LARP4B: variants seen among roughly 807,000 people sequenced by gnomAD.
The protein encoded by LARP4B is la-related protein 4B.
Under a neutral mutation model 89.8 loss-of-function variants are expected in LARP4B, and 12 were observed. The ratio of observed to expected loss-of-function variants is 0.13; its 90% confidence interval spans 0.09 to 0.22. The LOEUF (loss-of-function observed/expected upper bound fraction) is 0.22, where lower values mean the gene tolerates loss of function less well. Ranked by LOEUF, LARP4B falls within the 10% of genes least tolerant of loss-of-function variation. The pLI is 1.00. For missense variants in LARP4B, 757 were observed against 947.7 expected (o/e 0.80, Z 2.64); for synonymous variants, 367 against 363.3 (o/e 1.01, Z -0.12).
chr10:855,470 G>A (rs1834253906), intron 5 of LARP4B, among the ~76,000 whole-genome samples: 2 of 152,038 alleles, frequency 1.3e-5, no homozygotes, highest in Admixed American at 1.3e-4. Flanking sequence ...CAGGGAATAG[G>A]AAGGCCCAAG....
At chr10:817,637 C>T (rs942448122) in intron 15 of LARP4B, 88 bp downstream of exon 15, 4 of 1,271,792 alleles carry the variant, frequency 3.1e-6, no homozygotes, top group Admixed American at 2.1e-5. Flanking sequence ...TAAAAACAAA[C>T]ATGTATAAAG....
At chr10:914,156 CAT>C (rs1298540761) in intron 1 of LARP4B, among the ~76,000 whole-genome samples, 3 of 152,030 alleles carry the variant, frequency 2.0e-5, no homozygotes, top group African/African-American at 4.8e-5. Flanking sequence ...AAATTGTTGT[CAT>C]GTGGTATAAA....
At position 814,250 on chromosome 10, in the gene LARP4B, C is replaced by A. The variant is rs1272570704; in HGVS notation, c.1929+492G>T. 6.6e-6 allele frequency among the ~76,000 whole-genome samples: 1 copy of A among 152,132 alleles called. No individual in the cohort carries two copies. Among genetic ancestry groups the A allele is most frequent in the Non-Finnish European group, 1.5e-5 (1 of 68,028 alleles). ...CAAGATCAAACTACAGAGGCCACAA[C>A]TCAGAGTAAGAGAGGCCACAGTTCA... is the stretch of plus-strand genomic sequence containing the variant. On this transcript the variant is annotated intron_variant, in intron 17 of 17. Transcript: ENST00000316157. This position sits in a 1 kb window ranked among gnomAD's most constrained non-coding sequence, Gnocchi z 4.4.
chr10:956,409 G>A, the LARP4B span, among the ~76,000 whole-genome samples: 360 of 151,564 alleles, frequency 2.4e-3, 5 homozygotes, highest in African/African-American at 8.4e-3. The surrounding 1 kb of genome is among the most constrained non-coding windows in gnomAD (Gnocchi z 4.3). Context: ...GCAGTGGCGC[G>A]ATCTCGGCTC....
intron 1 of LARP4B, among the ~76,000 whole-genome samples, chr10:914,307 G>C (rs1437731095): frequency 6.6e-6 from 1 of 152,144 alleles, no homozygotes; most frequent in Non-Finnish European, 1.5e-5. Context: ...AAGATGTAAG[G>C]AAAGTTGAAA....
chr10:924,709 C>T (rs1837087833), intron 1 of LARP4B, among the ~76,000 whole-genome samples: 1 of 152,232 alleles, frequency 6.6e-6, no homozygotes, highest in Non-Finnish European at 1.5e-5. Flanking sequence ...CCTCCAACCT[C>T]GGTGCCACCA....
chr10:901,047 G>A (rs1378676653), intron 1 of LARP4B, among the ~76,000 whole-genome samples: 1 of 151,190 alleles, frequency 6.6e-6, no homozygotes, highest in East Asian at 1.9e-4. Context: ...AGCCTCATGA[G>A]TAGCTGGGAT....
intron 5 of LARP4B, among the ~76,000 whole-genome samples, chr10:846,672 G>T (rs1833792953): frequency 6.6e-6 from 1 of 152,204 alleles, no homozygotes; most frequent in Non-Finnish European, 1.5e-5. Flanking sequence ...CTGACATTTT[G>T]AAAATATCTC....
chr10:900,376 T>A (rs971562669), intron 1 of LARP4B, among the ~76,000 whole-genome samples: 42 of 122,596 alleles, frequency 3.4e-4, no homozygotes, highest in Admixed American at 6.4e-4. Context: ...ATGATAATAA[T>A]AAAAAGCACA....
chr10:951,023 TCTCA>T, the LARP4B span, among the ~76,000 whole-genome samples: 2 of 151,948 alleles, frequency 1.3e-5, no homozygotes, highest in Non-Finnish European at 2.9e-5. Context: ...TCTCTCTCTC[TCTCA>T]GTCTCTCTCT....
intron 13 of LARP4B, 93 bp downstream of exon 13, chr10:824,972 A>T (rs1413984540): frequency 7.9e-7 from 1 of 1,260,194 alleles, no homozygotes; most frequent in African/African-American, 1.5e-5. Flanking sequence ...ATTTTCTGTG[A>T]CATATTTAAA....
At chr10:925,070 G>A (rs1837100292) in intron 1 of LARP4B, among the ~76,000 whole-genome samples, 1 of 152,228 alleles carries the variant, frequency 6.6e-6, no homozygotes, top group Non-Finnish European at 1.5e-5. Context: ...AGTACAGCAA[G>A]AAGGGGAGAC....
intron 1 of LARP4B, among the ~76,000 whole-genome samples, chr10:911,724 TTG>T (rs1836670317): frequency 6.6e-6 from 1 of 152,014 alleles, no homozygotes; most frequent in Non-Finnish European, 1.5e-5. Flanking sequence ...GTCTGAAGAG[TTG>T]TGAGTAGTTT....
At chr10:973,902 G>A in the LARP4B span, among the ~76,000 whole-genome samples, 4 of 152,116 alleles carry the variant, frequency 2.6e-5, no homozygotes, top group Non-Finnish European at 5.9e-5. Context: ...TCATGCTGAG[G>A]TGTGACAGAG....
At chr10:925,183 T>A (rs947864999) in intron 1 of LARP4B, among the ~76,000 whole-genome samples, 3 of 152,190 alleles carry the variant, frequency 2.0e-5, no homozygotes, top group Non-Finnish European at 4.4e-5. Flanking sequence ...GAGGCCAGTC[T>A]CTATGGCTTT....
the LARP4B span, among the ~76,000 whole-genome samples, chr10:957,929 T>C: frequency 6.6e-6 from 1 of 151,840 alleles, no homozygotes; most frequent in African/African-American, 2.4e-5. Flanking sequence ...CCTCAGTAGC[T>C]GGGACCACAA....
At position 812,878 on chromosome 10, in the gene LARP4B, G is replaced by C; in HGVS notation, c.*48C>G. 1 of 1,485,272 alleles carries C rather than the reference G, an allele frequency of 6.7e-7. No individual in the cohort carries two copies. Among genetic ancestry groups the C allele is most frequent in the Non-Finnish European group, 8.9e-7 (1 of 1,121,198 alleles). The allele number at this position is 1,485,272 out of a possible 1,614,324, so 92.0% of individuals were successfully genotyped here. A position where few individuals can be genotyped will look rare whatever the true frequency, so the allele number is the denominator to read the frequency against. ...CTCGCACTGAGTGGGAGAGTGTCTCGTTTGTGGTTAACACAGCGCTCTGCG... is the reference window on the plus strand; with the variant it reads ...CTCGCACTGAGTGGGAGAGTGTCTCCTTTGTGGTTAACACAGCGCTCTGCG... On this transcript the variant is annotated 3_prime_UTR_variant, in exon 18 of 18. Transcript: ENST00000316157.
the LARP4B span, among the ~76,000 whole-genome samples, chr10:945,810 T>A: frequency 6.6e-6 from 1 of 152,190 alleles, no homozygotes; most frequent in Non-Finnish European, 1.5e-5. Flanking sequence ...TAAGGAAGTA[T>A]TTATAGTTAG....
At chr10:912,129 T>G (rs541715990) in intron 1 of LARP4B, among the ~76,000 whole-genome samples, 2 of 152,296 alleles carry the variant, frequency 1.3e-5, no homozygotes, top group East Asian at 3.9e-4. Context: ...TTTCCCTCCT[T>G]TGGGGGACCC....
Sources: gnomAD v4.1 joint callset for allele counts (sites outside exome capture counted in the v4.1 genomes callset) on GRCh38, gnomAD v4.1.1 for gene constraint, Gnocchi (gnomAD v3.1) non-coding constraint, MANE v1.5 for transcripts, NCBI Gene and HGNC (gene_info 2026-07-23, HGNC 2026-07-21) for gene names.